The following MAP4K3 variants were observed in gnomAD, a reference collection of about 807,000 sequenced individuals.
MAP4K3 encodes MAPK/ERK kinase kinase kinase 3.
Under a neutral mutation model 143.5 loss-of-function variants are expected in MAP4K3, and 94 were observed. That is an observed-to-expected ratio of 0.65 (90% CI 0.55 to 0.78). MAP4K3 has a LOEUF of 0.78. MAP4K3 is among the 30% of genes least tolerant of loss of function. The pLI is 0.00. For missense variants in MAP4K3, 1,077 were observed against 1,068.1 expected (o/e 1.01, Z -0.12); for synonymous variants, 416 against 347.2 (o/e 1.20, Z -2.20).
chr2:39,420,170 T>C (rs1667506710), intron 1 of MAP4K3, among the ~76,000 whole-genome samples: 2 of 152,230 alleles, frequency 1.3e-5, no homozygotes, highest in Admixed American at 6.5e-5. Flanking sequence ...GACACACAGG[T>C]GTTGAAAGCA....
intron 4 of MAP4K3, among the ~76,000 whole-genome samples, chr2:39,339,757 G>A (rs991067582): frequency 6.6e-6 from 1 of 151,968 alleles, no homozygotes; most frequent in African/African-American, 2.4e-5. Flanking sequence ...CTCAGGTTGA[G>A]CATTCAAATA....
intron 1 of MAP4K3, among the ~76,000 whole-genome samples, chr2:39,384,801 G>A (rs1171035931): frequency 2.0e-5 from 3 of 152,080 alleles, no homozygotes; most frequent in Admixed American, 2.0e-4. Flanking sequence ...GATTTTTAAA[G>A]ATACAGTTCT....
At chr2:39,307,358 C>G (rs1036153275) in intron 15 of MAP4K3, among the ~76,000 whole-genome samples, 9 of 151,948 alleles carry the variant, frequency 5.9e-5, no homozygotes, top group African/African-American at 1.9e-4. Context: ...TTCAGGAATG[C>G]TTTATAATCT....
At chr2:39,342,368 G>C (rs1194811189) in intron 4 of MAP4K3, among the ~76,000 whole-genome samples, 2 of 152,080 alleles carry the variant, frequency 1.3e-5, no homozygotes, top group Non-Finnish European at 2.9e-5. Flanking sequence ...GACCTCAGGT[G>C]ATCTGCCCGC....
Position 39,260,641 on chromosome 2 carries a change from T to C in MAP4K3, c.2273A>G (p.Asn758Ser), listed in dbSNP as rs774568651. 1 of 1,614,110 alleles carries C rather than the reference T, an allele frequency of 6.2e-7. No homozygotes were observed. Among genetic ancestry groups the C allele is most frequent in the Admixed American group, 1.7e-5 (1 of 60,008 alleles). ...AAACCATGAAGAGGTAGAATTTGGATTGACCGTCTCAAATCGAACCACTTG... is the reference window on the plus strand; with the variant it reads ...AAACCATGAAGAGGTAGAATTTGGACTGACCGTCTCAAATCGAACCACTTG... ...FNQVVRFETV[N>S]PNSTSSWFTE... is the part of the protein sequence containing the mutation. Residue 758 changes from asparagine to serine, a missense_variant, in exon 29 of 34, where the codon AAT becomes AGT. By Grantham distance (46) the Asn-to-Ser change is conservative. Transcript: ENST00000263881.
chr2:39,377,183 A>C (rs1389787875), intron 2 of MAP4K3, among the ~76,000 whole-genome samples: 1 of 119,016 alleles, frequency 8.4e-6, no homozygotes, highest in African/African-American at 2.9e-5. Context: ...ACAAAGTCTA[A>C]AGTATTGGCT....
intron 3 of MAP4K3, among the ~76,000 whole-genome samples, chr2:39,352,167 C>T (rs1316907914): frequency 6.6e-6 from 1 of 151,906 alleles, no homozygotes; most frequent in African/African-American, 2.4e-5. Context: ...AGCGTGCGCC[C>T]GTAATCCCAG....
chr2:39,423,605 GC>G (rs970804679), intron 1 of MAP4K3, among the ~76,000 whole-genome samples: 1 of 152,156 alleles, frequency 6.6e-6, no homozygotes, highest in African/African-American at 2.4e-5. Flanking sequence ...GAGGTATTGA[GC>G]CACAAAAAGT....
At chr2:39,260,539 C>T (rs543359734) in intron 29 of MAP4K3, 67 bp downstream of exon 29, 13 of 1,324,680 alleles carry the variant, frequency 9.8e-6, no homozygotes, top group South Asian at 7.7e-5. Flanking sequence ...GTAAGAGATA[C>T]AGTAAACTTA....
intron 1 of MAP4K3, among the ~76,000 whole-genome samples, chr2:39,401,557 T>G (rs1443477195): frequency 6.6e-6 from 1 of 151,964 alleles, no homozygotes; most frequent in Non-Finnish European, 1.5e-5. Context: ...CCTAGCACTT[T>G]GGGAGGCCCA....
chr2:39,381,937 G>A (rs1434743436), intron 1 of MAP4K3, among the ~76,000 whole-genome samples: 1 of 151,784 alleles, frequency 6.6e-6, no homozygotes. Flanking sequence ...CAGTATACAC[G>A]TCCCCCACCA....
At chr2:39,278,305 A>G (rs749474890) in intron 24 of MAP4K3, 102 bp downstream of exon 24, 26 of 637,158 alleles carry the variant, frequency 4.1e-5, no homozygotes, top group Non-Finnish European at 6.5e-5. Flanking sequence ...AAAAAAGAAT[A>G]AAAGAGGCAG....
intron 28 of MAP4K3, among the ~76,000 whole-genome samples, chr2:39,262,917 C>CA (rs1680623900): frequency 6.6e-6 from 1 of 151,968 alleles, no homozygotes. Flanking sequence ...CCAGCCTAGC[C>CA]AAGATGGTGA....
intron 15 of MAP4K3, among the ~76,000 whole-genome samples, chr2:39,301,803 T>A (rs750867019): frequency 6.6e-6 from 1 of 151,782 alleles, no homozygotes; most frequent in Non-Finnish European, 1.5e-5. Flanking sequence ...GGCGGGCGGA[T>A]CATGAGGTCA....
At chr2:39,348,633 T>C (rs1665365375) in intron 3 of MAP4K3, among the ~76,000 whole-genome samples, 1 of 152,234 alleles carries the variant, frequency 6.6e-6, no homozygotes, top group Non-Finnish European at 1.5e-5. Flanking sequence ...GTATCTGAAT[T>C]GAAATAAAAT....
intron 3 of MAP4K3, among the ~76,000 whole-genome samples, chr2:39,352,484 T>C (rs574755343): frequency 4.7e-4 from 71 of 152,284 alleles, no homozygotes; most frequent in Admixed American, 3.9e-3. Context: ...TCCAAAAGAA[T>C]TGTAAAGAAT....
chr2:39,355,817 T>C (rs1409232624), intron 3 of MAP4K3, among the ~76,000 whole-genome samples: 2 of 152,166 alleles, frequency 1.3e-5, no homozygotes, highest in Non-Finnish European at 2.9e-5. Context: ...CCTAGTTCTT[T>C]GGATACAATG....
chr2:39,383,519 T>C (rs896435656), intron 1 of MAP4K3, among the ~76,000 whole-genome samples: 3 of 152,012 alleles, frequency 2.0e-5, no homozygotes, highest in Admixed American at 2.0e-4. Flanking sequence ...TAGGTATGTG[T>C]CCACTACAAG....
chr2:39,407,072 T>C (rs1667116513), intron 1 of MAP4K3, among the ~76,000 whole-genome samples: 2 of 152,128 alleles, frequency 1.3e-5, no homozygotes, highest in Non-Finnish European at 1.5e-5. Context: ...GGTTTAGTAT[T>C]AGAAAAATCA....
Sources: allele counts gnomAD v4.1 joint callset (sites outside exome capture counted in the v4.1 genomes callset), GRCh38; gene constraint gnomAD v4.1.1; transcripts MANE v1.5; gene names NCBI Gene and HGNC (gene_info 2026-07-23, HGNC 2026-07-21).